Variants in MYO16 observed in about 807,000 individuals in gnomAD.
MYO16 encodes unconventional myosin-XVI.
MYO16 carries 94 observed loss-of-function variants against 205.3 expected under a neutral mutation model. That is an observed-to-expected ratio of 0.46 (90% confidence interval 0.39 to 0.54). The LOEUF (loss-of-function observed/expected upper bound fraction) is 0.54. MYO16 is among the 20% of genes least tolerant of loss of function. The pLI, the probability that MYO16 is intolerant of heterozygous loss-of-function variation, is 0.00. For missense variants in MYO16, 2,315 were observed against 2,387.5 expected (o/e 0.97, Z 0.63); for synonymous variants, 988 against 954.0 (o/e 1.04, Z -0.66).
At chr13:108,556,394 C>CT in the MYO16 span, among the ~76,000 whole-genome samples, 8 of 151,638 alleles carry the variant, frequency 5.3e-5, no homozygotes, top group South Asian at 2.1e-4. Context: ...GAGTTTGAGC[C>CT]TTTTTTTTGT....
intron 28 of MYO16, among the ~76,000 whole-genome samples, chr13:109,115,236 A>C (rs1299548039): frequency 9.8e-6 from 1 of 101,918 alleles, no homozygotes; most frequent in African/African-American, 4.1e-5. Flanking sequence ...CACAGCCTAC[A>C]CCTCTCAAAA....
At chr13:109,021,488 CAGT>C (rs1361933127) in intron 23 of MYO16, among the ~76,000 whole-genome samples, 1 of 152,182 alleles carries the variant, frequency 6.6e-6, no homozygotes, top group Non-Finnish European at 1.5e-5. Flanking sequence ...GAAGCAGCAG[CAGT>C]GTGGTTTTCA....
chr13:108,933,698 C>T (rs1249257546), intron 16 of MYO16, among the ~76,000 whole-genome samples: 9 of 151,964 alleles, frequency 5.9e-5, no homozygotes, highest in African/African-American at 2.2e-4. Flanking sequence ...GATCCCTTTA[C>T]CCAGGTACTG....
intron 20 of MYO16, among the ~76,000 whole-genome samples, chr13:108,986,190 C>G (rs146545231): frequency 1.3e-5 from 2 of 152,254 alleles, no homozygotes; most frequent in East Asian, 3.9e-4. Context: ...CTTCCCATGA[C>G]ACATGGGGAT....
intron 7 of MYO16, among the ~76,000 whole-genome samples, chr13:108,807,423 ATTGT>A (rs918204106): frequency 4.6e-5 from 6 of 130,834 alleles, no homozygotes; most frequent in South Asian, 4.6e-4. Flanking sequence ...AAACAAGAAC[ATTGT>A]TTGTTTTGAC....
At chr13:109,145,377 A>C (rs1339888141) in intron 32 of MYO16, among the ~76,000 whole-genome samples, 1 of 151,724 alleles carries the variant, frequency 6.6e-6, no homozygotes, top group Admixed American at 6.6e-5. Context: ...ACAGAAAAAA[A>C]AAAAGTCTTT....
chr13:108,607,974 A>G (rs1879023711), intron 1 of MYO16, among the ~76,000 whole-genome samples: 1 of 152,182 alleles, frequency 6.6e-6, no homozygotes. Flanking sequence ...CAATCTCAGC[A>G]TGTCTAAAAA....
intron 6 of MYO16, among the ~76,000 whole-genome samples, chr13:108,798,007 C>T (rs1422100000): frequency 1.3e-5 from 2 of 152,018 alleles, no homozygotes; most frequent in African/African-American, 2.4e-5. Flanking sequence ...CTAAAATAAC[C>T]AAATCTTGTG....
At chr13:108,809,953 T>C (rs1887235992) in intron 7 of MYO16, among the ~76,000 whole-genome samples, 2 of 152,278 alleles carry the variant, frequency 1.3e-5, no homozygotes, top group South Asian at 4.1e-4. Context: ...AGACTTTTAC[T>C]TAGTTCAGCA....
intron 1 of MYO16, among the ~76,000 whole-genome samples, chr13:108,652,876 C>T (rs549879923): frequency 2.6e-4 from 39 of 152,286 alleles, no homozygotes; most frequent in South Asian, 6.2e-4. Context: ...CTCTCCAACA[C>T]CCTGCTTTCA....
chr13:108,716,573 G>T (rs1351045992), intron 3 of MYO16, among the ~76,000 whole-genome samples: 1 of 152,088 alleles, frequency 6.6e-6, no homozygotes, highest in African/African-American at 2.4e-5. Context: ...AAATTACAGG[G>T]TTTCAAAATG....
chr13:109,072,968 G>A (rs151166711), intron 27 of MYO16, among the ~76,000 whole-genome samples: 116 of 152,194 alleles, frequency 7.6e-4, no homozygotes, highest in African/African-American at 2.5e-3. Flanking sequence ...AACTACAACA[G>A]CTAATTGAGT....
At position 109,055,523 on chromosome 13, in the gene MYO16, G is replaced by C. The variant is rs1297289320; in HGVS notation, c.3263G>C (p.Gly1088Ala). 1.9e-6 allele frequency: 3 copies of C among 1,613,148 alleles called. No individual in the cohort carries two copies. The highest frequency in any genetic ancestry group is 1.7e-5 in the Admixed American group (1 of 59,892). Residue 1088 changes from glycine (G) to alanine (A), a missense_variant, in exon 27 of 35, where the codon GGG becomes GCG. This residue lies in a region of MYO16 where 1,097 missense variants were observed against 1,092.0 expected (regional missense o/e 1.00). Coordinates refer to ENST00000457511, the MANE Select transcript of MYO16 (RefSeq NM_001198950.3). The surrounding 1 kb of genome is among the most constrained non-coding windows in gnomAD (Gnocchi z 5.0). ...GTGTCTGCTCAGCTACAATATATTG[G>C]GGTCCTGGAGATGGTGAAGATCTTC... ...FYVSAQLQYIGVLEMVKIFRY... is the reference protein window; with the variant it reads ...FYVSAQLQYIAVLEMVKIFRY...
At chr13:109,119,188 G>A (rs563327312) in intron 28 of MYO16, among the ~76,000 whole-genome samples, 1 of 152,272 alleles carries the variant, frequency 6.6e-6, no homozygotes, top group East Asian at 1.9e-4. Flanking sequence ...CTGAAGACAA[G>A]TCTGACCTAT....
At chr13:109,064,422 C>A (rs1349918973) in intron 27 of MYO16, among the ~76,000 whole-genome samples, 10 of 152,192 alleles carry the variant, frequency 6.6e-5, no homozygotes, top group African/African-American at 2.4e-4. Flanking sequence ...TGGTCTCATT[C>A]TTCAGTTTAT....
At chr13:109,033,497 C>T (rs922424517) in intron 23 of MYO16, among the ~76,000 whole-genome samples, 6 of 152,082 alleles carry the variant, frequency 3.9e-5, no homozygotes, top group South Asian at 2.1e-4. Flanking sequence ...TCCTGAGCTA[C>T]GTAGCAGGAA....
intron 20 of MYO16, among the ~76,000 whole-genome samples, chr13:108,967,814 ATTG>A (rs765890564): frequency 6.6e-6 from 1 of 152,162 alleles, no homozygotes; most frequent in Non-Finnish European, 1.5e-5. Flanking sequence ...GACACAGTTT[ATTG>A]TTAAAACGAT....
At chr13:108,908,131 G>A (rs1881079194) in intron 15 of MYO16, among the ~76,000 whole-genome samples, 1 of 152,114 alleles carries the variant, frequency 6.6e-6, no homozygotes, top group Non-Finnish European at 1.5e-5. Context: ...AGAGACCTGT[G>A]CACACACATT....
At chr13:109,200,987 T>C (rs1880370393) in intron 34 of MYO16, among the ~76,000 whole-genome samples, 1 of 152,134 alleles carries the variant, frequency 6.6e-6, no homozygotes, top group African/African-American at 2.4e-5. Flanking sequence ...ATACAGCATA[T>C]GCCATAAGGA....
Sources: gnomAD v4.1 joint callset for allele counts (sites outside exome capture counted in the v4.1 genomes callset) on GRCh38, gnomAD v4.1.1 for gene constraint, gnomAD v4.1.1 regional missense constraint, Gnocchi (gnomAD v3.1) non-coding constraint, MANE v1.5 for transcripts, NCBI Gene and HGNC (gene_info 2026-07-23, HGNC 2026-07-21) for gene names.